MYOM1: variants seen among roughly 807,000 people sequenced by gnomAD.
MYOM1 encodes the protein myomesin 1, also known as myomesin-1.
In MYOM1, 164 loss-of-function variants were observed where a neutral mutation model predicts 205.3. The ratio of observed to expected loss-of-function variants is 0.80; its 90% CI spans 0.70 to 0.91. MYOM1 has a LOEUF of 0.91. MYOM1 is among the 40% of genes least tolerant of loss of function. The pLI is 0.00. For synonymous variants in MYOM1, 772 were observed against 789.4 expected (o/e 0.98, Z 0.37); for missense variants, 2,011 against 2,127.3 (o/e 0.95, Z 1.08).
chr18:3,079,095 A>G, intron 34 of MYOM1, 84 bp downstream of exon 34: 1 of 1,446,448 alleles, frequency 6.9e-7, no homozygotes. Flanking sequence ...TTACAGGCAT[A>G]AGCCACCATG....
chr18:3,155,073 A>G lies in MYOM1; in HGVS notation c.1517T>C (p.Ile506Thr). 1.2e-6 allele frequency: 2 copies of G among 1,612,452 alleles called. No homozygotes were observed. Among genetic ancestry groups the G allele is most frequent in the Non-Finnish European group, 1.7e-6 (2 of 1,179,220 alleles). The change falls in exon 11 of 38, where the codon ATT becomes ACT. Residue 506 changes from isoleucine to threonine, a missense_variant. Coordinates refer to ENST00000356443, the MANE Select transcript of MYOM1 (RefSeq NM_003803.4). ...YVFVRDADAE[I>T]EGAPAAPLDV... ...CAAGGGAGCAGCTGGGGCTCCTTCA[A>G]TCTCTGCATCAGCATCTGTGGAGAC...
At chr18:3,148,783 T>A (rs2080170105) in intron 13 of MYOM1, among the ~76,000 whole-genome samples, 1 of 137,910 alleles carries the variant, frequency 7.3e-6, no homozygotes, top group Non-Finnish European at 1.5e-5. Flanking sequence ...GAGGCGGAGC[T>A]TGTAGTGAGC....
At chr18:3,070,282 A>T (rs2143614763) in intron 37 of MYOM1, among the ~76,000 whole-genome samples, 1 of 152,026 alleles carries the variant, frequency 6.6e-6, no homozygotes, top group Non-Finnish European at 1.5e-5. Flanking sequence ...CAGAGTAGCT[A>T]AGACTACAGG....
chr18:3,159,224 C>T (rs1458455786), intron 10 of MYOM1, among the ~76,000 whole-genome samples: 2 of 152,164 alleles, frequency 1.3e-5, no homozygotes, highest in Non-Finnish European at 1.5e-5. Context: ...ATTTTTTTCA[C>T]AATGAACACA....
intron 17 of MYOM1, 41 bp from the exon 18 acceptor site, chr18:3,129,560 A>G (rs1255804401): frequency 3.2e-6 from 5 of 1,573,510 alleles, no homozygotes; most frequent in Non-Finnish European, 4.3e-6. Context: ...TTGAGCCCGG[A>G]CAGAGTATCA....
At chr18:3,100,264 ATAAC>A in intron 24 of MYOM1, 52 bp downstream of exon 24, 1 of 1,612,692 alleles carries the variant, frequency 6.2e-7, no homozygotes, top group East Asian at 2.2e-5. Context: ...TCACTTAAGA[ATAAC>A]TGAGAATTCA....
chr18:3,113,141 A>G (rs1463719064), intron 21 of MYOM1, among the ~76,000 whole-genome samples: 1 of 151,846 alleles, frequency 6.6e-6, no homozygotes, highest in Non-Finnish European at 1.5e-5. Flanking sequence ...AAAAGCATTT[A>G]TAATTTATTT....
intron 9 of MYOM1, among the ~76,000 whole-genome samples, chr18:3,164,978 CTA>C (rs2080446957): frequency 6.6e-6 from 1 of 152,126 alleles, no homozygotes; most frequent in East Asian, 1.9e-4. Context: ...ACATCAGTAA[CTA>C]TTTATAAATG....
At position 3,168,998 on chromosome 18, in the gene MYOM1, C is replaced by T; in HGVS notation, c.1175-17G>A. 6.3e-7 allele frequency: 1 copy of T among 1,589,506 alleles called. No homozygotes were observed. Among genetic ancestry groups the T allele is most frequent in the South Asian group, 1.1e-5 (1 of 87,460 alleles). ...TCACACCAACTGGGTACAAAAATAACAAATATCAGTAATTTTTTTCTTCAT... is the reference window on the plus strand; with the variant it reads ...TCACACCAACTGGGTACAAAAATAATAAATATCAGTAATTTTTTTCTTCAT... On this transcript the variant is annotated splice_polypyrimidine_tract_variant and intron_variant, in intron 8 of 37. Transcript: ENST00000356443.
At chr18:3,143,418 A>C (rs8085760) in intron 13 of MYOM1, among the ~76,000 whole-genome samples, 3 of 152,152 alleles carry the variant, frequency 2.0e-5, no homozygotes, top group African/African-American at 4.8e-5. Flanking sequence ...TCTGGATTTA[A>C]ACAAATAAAT....
chr18:3,235,906 C>G, the MYOM1 span, among the ~76,000 whole-genome samples: 1 of 152,184 alleles, frequency 6.6e-6, no homozygotes, highest in Non-Finnish European at 1.5e-5. Flanking sequence ...AGTGAAGAAT[C>G]TGAAGAAAGA....
At chr18:3,100,585 C>T (rs1350909400) in intron 23 of MYOM1, among the ~76,000 whole-genome samples, 159 bp from the exon 24 acceptor site, 1 of 152,134 alleles carries the variant, frequency 6.6e-6, no homozygotes, top group Non-Finnish European at 1.5e-5. Flanking sequence ...GTCTCAGATT[C>T]AATGTCATTT....
intron 27 of MYOM1, 51 bp from the exon 28 acceptor site, chr18:3,089,647 G>A: frequency 7.0e-7 from 1 of 1,426,324 alleles, no homozygotes; most frequent in Non-Finnish European, 9.7e-7. Context: ...TGGTATAAAT[G>A]CACATGTCAG....
At chr18:3,084,816 C>G (rs932121866) in intron 31 of MYOM1, among the ~76,000 whole-genome samples, 4 of 152,160 alleles carry the variant, frequency 2.6e-5, no homozygotes, top group Non-Finnish European at 5.9e-5. Context: ...CTTGTGGACT[C>G]TGGACTATAA....
chr18:3,080,843 G>A (rs1043060599), intron 33 of MYOM1, among the ~76,000 whole-genome samples: 2 of 152,088 alleles, frequency 1.3e-5, no homozygotes, highest in Admixed American at 1.3e-4. Context: ...GTCTTAGAGA[G>A]TTAAACAGGG....
At chr18:3,099,779 A>G (rs1218762142) in intron 25 of MYOM1, among the ~76,000 whole-genome samples, 1 of 152,192 alleles carries the variant, frequency 6.6e-6, no homozygotes, top group Non-Finnish European at 1.5e-5. Flanking sequence ...TTAAGTGCCA[A>G]TCTTACTTAG....
chr18:3,223,316 A>G (rs1175517194), upstream of MYOM1, among the ~76,000 whole-genome samples: 1 of 152,174 alleles, frequency 6.6e-6, no homozygotes, highest in Admixed American at 6.5e-5. Flanking sequence ...CATTATGAGG[A>G]CTTATATCTC....
intron 27 of MYOM1, 147 bp downstream of exon 27, chr18:3,090,511 C>T (rs974540655): frequency 1.6e-5 from 17 of 1,065,458 alleles, no homozygotes; most frequent in Middle Eastern, 2.1e-4. Context: ...TGAGCCACCG[C>T]GCCCAGCTGA....
chr18:3,222,596 A>T (rs910138731), upstream of MYOM1, among the ~76,000 whole-genome samples: 11 of 152,226 alleles, frequency 7.2e-5, no homozygotes, highest in African/African-American at 2.4e-4. Context: ...TTTTGACCTA[A>T]TAAATTATTG....
Sources: gnomAD v4.1 joint callset for allele counts (sites outside exome capture counted in the v4.1 genomes callset) on GRCh38, gnomAD v4.1.1 for gene constraint, MANE v1.5 for transcripts, NCBI Gene and HGNC (gene_info 2026-07-23, HGNC 2026-07-21) for gene names.